MTA3: variants seen among roughly 807,000 people sequenced by gnomAD.
MTA3 encodes the protein metastasis associated 1 family member 3.
In MTA3, 34 loss-of-function variants were observed where a neutral mutation model predicts 83.5. That is an observed-to-expected ratio of 0.41 (90% CI 0.31 to 0.54). The LOEUF is 0.54. Ranked by LOEUF, MTA3 falls within the 20% of genes least tolerant of loss-of-function variation. The pLI, the probability that MTA3 is intolerant of heterozygous loss-of-function variation, is 0.33. For missense variants in MTA3, 761 were observed against 726.4 expected, an observed-to-expected ratio of 1.05 and a Z score of -0.55; for synonymous variants, 303 against 252.7, an observed-to-expected ratio of 1.20 and a Z score of -1.89.
intron 6 of MTA3, among the ~76,000 whole-genome samples, chr2:42,647,390 A>AT (rs1212555993): frequency 1.3e-5 from 2 of 150,942 alleles, no homozygotes; most frequent in African/African-American, 4.9e-5. Context: ...TGCCCAGCTA[A>AT]TTTTTTTTGT....
At chr2:42,656,800 A>G (rs1248384263) in intron 7 of MTA3, among the ~76,000 whole-genome samples, 4 of 152,348 alleles carry the variant, frequency 2.6e-5, no homozygotes, top group African/African-American at 9.6e-5. Flanking sequence ...ATGGGACAGA[A>G]TTTTATTTTT....
intron 16 of MTA3, among the ~76,000 whole-genome samples, chr2:42,726,070 C>A (rs1561504): frequency 0.54 from 82,322 of 152,010 alleles, 22,774 homozygotes; most frequent in Middle Eastern, 0.67. Context: ...TTTTCATGAG[C>A]TAGTTATTAC....
At chr2:42,699,273 C>G (rs144247015) in intron 11 of MTA3, among the ~76,000 whole-genome samples, 149 of 152,284 alleles carry the variant, frequency 9.8e-4, no homozygotes, top group African/African-American at 3.3e-3. Flanking sequence ...GCAGTCATGG[C>G]TCACTGCAGC....
chr2:42,575,697 C>A (rs1239067918), intron 2 of MTA3, among the ~76,000 whole-genome samples: 2 of 152,204 alleles, frequency 1.3e-5, no homozygotes, highest in East Asian at 3.8e-4. Context: ...ACGTTTGTTA[C>A]CCTTTTGAGC....
chr2:42,667,171 G>A (rs897986154), intron 8 of MTA3, among the ~76,000 whole-genome samples: 3 of 152,098 alleles, frequency 2.0e-5, no homozygotes, highest in African/African-American at 7.2e-5. Context: ...AGCCTCCCGA[G>A]GAGTAGCTAG....
At chr2:42,535,870 G>A (rs1307082086) in intron 2 of MTA3, among the ~76,000 whole-genome samples, 1 of 146,110 alleles carries the variant, frequency 6.8e-6, no homozygotes, top group Non-Finnish European at 1.5e-5. Context: ...TGTAATCCTA[G>A]CACTTTGGGA....
At chr2:42,582,270 G>C (rs1433846785) in intron 3 of MTA3, among the ~76,000 whole-genome samples, 2 of 152,040 alleles carry the variant, frequency 1.3e-5, no homozygotes, top group Non-Finnish European at 2.9e-5. Context: ...GCGTTAGCCA[G>C]GATGGTCTCG....
rs187022466 is a variant in MTA3 at position 42,547,186 on chromosome 2, C to T, written c.-140-23251C>T. ...TCTCAGCTGAATTAAATGAACAATT[C>T]GCCAATCGGGCAGCCGGCAGAATCA... On this transcript the variant is annotated intron_variant, in intron 2 of 17. Coordinates refer to the MTA3 transcript ENST00000405592. 1.1e-4 allele frequency among the ~76,000 whole-genome samples: 16 copies of T among 152,270 alleles called. No individual in the cohort carries two copies. In the East Asian group the frequency reaches 2.7e-3, roughly 26 times the overall value.
At chr2:42,603,673 T>A (rs961700431) in intron 3 of MTA3, among the ~76,000 whole-genome samples, 6 of 152,250 alleles carry the variant, frequency 3.9e-5, no homozygotes, top group African/African-American at 1.4e-4. Context: ...ATATGTACTT[T>A]AAGGTAAGAT....
At chr2:42,695,700 G>A in intron 9 of MTA3, 65 bp from the exon 10 acceptor site, 2 of 854,526 alleles carry the variant, frequency 2.3e-6, no homozygotes, top group East Asian at 3.2e-5. Flanking sequence ...TTCTATAGTA[G>A]CTTATTTTCA....
Position 42,623,555 on chromosome 2 carries a change from C to T in MTA3, c.317+13971C>T, listed in dbSNP as rs1473261337. 2.6e-5 allele frequency among the ~76,000 whole-genome samples: 4 copies of T among 152,050 alleles called. No individual in the cohort carries two copies. In the East Asian group the frequency reaches 7.7e-4, roughly 29 times the overall value. Reference sequence around the variant, plus strand: ...ACAGCAGGGGAAATGTTAGGACTTCCCTTTTCCTTCTCTTTCTTTTTCCTT... The same window carrying T: ...ACAGCAGGGGAAATGTTAGGACTTCTCTTTTCCTTCTCTTTCTTTTTCCTT... On this transcript the variant is annotated intron_variant, in intron 4 of 16. Coordinates refer to ENST00000405094, the MANE Select transcript of MTA3 (RefSeq NM_001330442.2).
At chr2:42,503,376 C>A (rs1316851152) in intron 2 of MTA3, among the ~76,000 whole-genome samples, 1 of 152,166 alleles carries the variant, frequency 6.6e-6, no homozygotes, top group African/African-American at 2.4e-5. Context: ...TTCTTTACTG[C>A]AAGCTGTTTT....
chr2:42,690,995 G>C (rs1692841793), intron 9 of MTA3, among the ~76,000 whole-genome samples: 2 of 152,082 alleles, frequency 1.3e-5, no homozygotes, highest in East Asian at 3.9e-4. Flanking sequence ...TCCTGCCTCA[G>C]CCTCCCAAGT....
chr2:42,662,697 G>A (rs987847128), intron 8 of MTA3, among the ~76,000 whole-genome samples: 5 of 150,228 alleles, frequency 3.3e-5, no homozygotes, highest in African/African-American at 9.8e-5. Flanking sequence ...GACCTCCACC[G>A]CCCCTATGTT....
intron 16 of MTA3, 159 bp downstream of exon 16, chr2:42,723,194 T>C (rs1216527837): frequency 9.0e-6 from 8 of 892,982 alleles, no homozygotes; most frequent in African/African-American, 1.7e-5. Flanking sequence ...ATATGCCACA[T>C]TTTGCCAAGG....
intron 8 of MTA3, among the ~76,000 whole-genome samples, chr2:42,665,406 AG>A (rs2104389689): frequency 6.6e-6 from 1 of 152,254 alleles, no homozygotes; most frequent in East Asian, 1.9e-4. Flanking sequence ...AAAGAAAGAA[AG>A]AAAAAGTAGG....
At chr2:42,730,242 C>T (rs1391389337) in intron 16 of MTA3, among the ~76,000 whole-genome samples, 1 of 152,056 alleles carries the variant, frequency 6.6e-6, no homozygotes, top group Non-Finnish European at 1.5e-5. Context: ...GCTAGAACTT[C>T]CAGTACTCTG....
At chr2:42,512,933 AG>A (rs1289207906) in intron 2 of MTA3, among the ~76,000 whole-genome samples, 1 of 152,232 alleles carries the variant, frequency 6.6e-6, no homozygotes, top group Non-Finnish European at 1.5e-5. Flanking sequence ...CTCTACTTAC[AG>A]GACCCTTAAG....
intron 2 of MTA3, among the ~76,000 whole-genome samples, chr2:42,538,791 G>A (rs1230504451): frequency 5.1e-5 from 7 of 138,190 alleles, no homozygotes; most frequent in African/African-American, 1.6e-4. Flanking sequence ...TTTTTGAGAC[G>A]GAGTCTCGCC....
Sources: gnomAD v4.1 joint callset for allele counts (sites outside exome capture counted in the v4.1 genomes callset) on GRCh38, gnomAD v4.1.1 for gene constraint, MANE v1.5 for transcripts, NCBI Gene and HGNC (gene_info 2026-07-23, HGNC 2026-07-21) for gene names.